DDX10: variants seen among roughly 807,000 people sequenced by gnomAD.
The protein encoded by DDX10 is probable ATP-dependent RNA helicase DDX10.
In DDX10, 74 loss-of-function variants were observed where a neutral mutation model predicts 104.3. The ratio of observed to expected loss-of-function variants is 0.71; its 90% CI spans 0.59 to 0.86. The LOEUF (loss-of-function observed/expected upper bound fraction) is 0.86, where lower values mean the gene tolerates loss of function less well. Among genes scored for constraint, DDX10 ranks in the 40% least tolerant of loss-of-function variants. The probability of loss-of-function intolerance (pLI) is 0.00; values close to 1 mark genes in which losing one functional copy is unlikely to be tolerated. For missense variants in DDX10, 952 were observed against 1,040.0 expected, an observed-to-expected ratio of 0.92 and a Z score of 1.16; for synonymous variants, 351 against 353.4, an observed-to-expected ratio of 0.99 and a Z score of 0.08.
At chr11:108,763,803 T>C (rs1417304834) in intron 13 of DDX10, among the ~76,000 whole-genome samples, 1 of 152,228 alleles carries the variant, frequency 6.6e-6, no homozygotes, top group Non-Finnish European at 1.5e-5. Context: ...GAGTTTTTAT[T>C]ACTAATAAAC....
intron 16 of DDX10, among the ~76,000 whole-genome samples, chr11:108,878,561 C>T (rs1227318823): frequency 6.6e-6 from 1 of 152,128 alleles, no homozygotes; most frequent in African/African-American, 2.4e-5. Flanking sequence ...AAATAATTCT[C>T]CTTGTTTTTG....
chr11:108,801,970 AGTG>A (rs747801705), intron 13 of DDX10, among the ~76,000 whole-genome samples: 3 of 150,550 alleles, frequency 2.0e-5, no homozygotes, highest in African/African-American at 4.9e-5. Context: ...TTTTTAAAAA[AGTG>A]GGGGGAGGGA....
intron 16 of DDX10, among the ~76,000 whole-genome samples, chr11:108,888,523 A>C (rs1863331475): frequency 6.6e-6 from 1 of 152,118 alleles, no homozygotes; most frequent in Admixed American, 6.5e-5. Flanking sequence ...TGTTAATATT[A>C]CTTGTCTTGA....
At chr11:108,940,108 A>G (rs1478865168) in intron 17 of DDX10, 138 bp from the exon 18 acceptor site, 7 of 899,336 alleles carry the variant, frequency 7.8e-6, no homozygotes, top group African/African-American at 1.7e-5. Flanking sequence ...TACTAATTAT[A>G]CAGATATCTT....
intron 10 of DDX10, among the ~76,000 whole-genome samples, chr11:108,715,484 A>G (rs1443347175): frequency 6.6e-6 from 1 of 152,226 alleles, no homozygotes; most frequent in East Asian, 1.9e-4. Flanking sequence ...TGATTGCACC[A>G]CTACACTCCA....
intron 16 of DDX10, among the ~76,000 whole-genome samples, chr11:108,902,073 T>C (rs1417234827): frequency 6.6e-6 from 1 of 152,204 alleles, no homozygotes; most frequent in Non-Finnish European, 1.5e-5. Flanking sequence ...TCAGATTTCT[T>C]AGTCTGTCCT....
At chr11:108,843,958 C>T (rs933417232) in intron 15 of DDX10, among the ~76,000 whole-genome samples, 5 of 152,088 alleles carry the variant, frequency 3.3e-5, no homozygotes, top group Admixed American at 1.3e-4. Flanking sequence ...TTTCCATTTT[C>T]GCTTAGCTTT....
At chr11:108,837,642 T>TTTTG (rs1862575101) in intron 13 of DDX10, among the ~76,000 whole-genome samples, 1 of 116,266 alleles carries the variant, frequency 8.6e-6, no homozygotes, top group Non-Finnish European at 1.8e-5. Context: ...TTTTTTTTTT[T>TTTTG]AGGCAAAGCC....
At position 108,851,176 on chromosome 11, in the gene DDX10, A is replaced by G. The variant is rs182884021; in HGVS notation, c.2248-977A>G. 1.1e-3 allele frequency among the ~76,000 whole-genome samples: 169 copies of G among 152,220 alleles called. 2 individuals carry two copies. The highest frequency in any genetic ancestry group is 3.9e-3 in the African/African-American group (164 of 41,552). ...TGATCTTCGTAGAATAACATAAAATATAGTTATATTCCATTTTAGTGTCTA... is the reference window on the plus strand; with the variant it reads ...TGATCTTCGTAGAATAACATAAAATGTAGTTATATTCCATTTTAGTGTCTA... On this transcript the variant is annotated intron_variant, in intron 15 of 17. Coordinates refer to ENST00000322536, the MANE Select transcript of DDX10 (RefSeq NM_004398.4).
At chr11:108,853,912 G>A (rs2726923) in intron 16 of DDX10, among the ~76,000 whole-genome samples, 38,351 of 152,142 alleles carry the variant, frequency 0.25, 5,595 homozygotes, top group African/African-American at 0.39. Flanking sequence ...TGGCTTTGCA[G>A]CTCAGCCAGG....
At chr11:108,700,985 C>T (rs971384339) in intron 9 of DDX10, among the ~76,000 whole-genome samples, 5 of 152,108 alleles carry the variant, frequency 3.3e-5, no homozygotes, top group South Asian at 2.1e-4. Flanking sequence ...CCATGCAATA[C>T]GTATTAGCCA....
At chr11:108,667,504 C>G (rs186263221) in intron 1 of DDX10, among the ~76,000 whole-genome samples, 328 of 152,326 alleles carry the variant, frequency 2.2e-3, no homozygotes, top group Non-Finnish European at 3.3e-3. Context: ...TTAAATCTCA[C>G]TCTTCAGGTA....
intron 16 of DDX10, among the ~76,000 whole-genome samples, chr11:108,862,671 AAGGAGGAGCGT>A (rs1391164690): frequency 2.6e-5 from 4 of 152,322 alleles, no homozygotes; most frequent in African/African-American, 9.6e-5. Context: ...TTTTTTAAAT[AAGGAGGAGCGT>A]AGTCGTCATT....
intron 16 of DDX10, among the ~76,000 whole-genome samples, chr11:108,902,942 C>T (rs1351401857): frequency 6.6e-6 from 1 of 151,820 alleles, no homozygotes. Flanking sequence ...TGATAATTTA[C>T]GTACTGTAAA....
intron 17 of DDX10, chr11:108,919,413 T>C (rs937622521): frequency 6.6e-6 from 1 of 152,244 alleles, no homozygotes; most frequent in Admixed American, 6.5e-5. Context: ...AGAGTAAATA[T>C]ACATGCTCTG....
intron 17 of DDX10, among the ~76,000 whole-genome samples, chr11:108,938,392 A>G (rs865916486): frequency 2.6e-5 from 4 of 152,236 alleles, no homozygotes; most frequent in Admixed American, 6.5e-5. Context: ...GCAGGAGCAC[A>G]TTAACAGAGG....
chr11:108,823,659 T>G (rs1862356121), intron 13 of DDX10, among the ~76,000 whole-genome samples: 1 of 152,212 alleles, frequency 6.6e-6, no homozygotes, highest in Admixed American at 6.5e-5. Flanking sequence ...TGTGTGTGTT[T>G]TTGTTTGCTT....
At chr11:108,810,859 A>G (rs1382887780) in intron 13 of DDX10, among the ~76,000 whole-genome samples, 3 of 152,196 alleles carry the variant, frequency 2.0e-5, no homozygotes, top group African/African-American at 7.2e-5. Context: ...CTTTTTGGTG[A>G]GTAGGAAAGA....
chr11:108,774,035 C>T (rs1211233497), intron 13 of DDX10, among the ~76,000 whole-genome samples: 1 of 152,170 alleles, frequency 6.6e-6, no homozygotes, highest in Non-Finnish European at 1.5e-5. Flanking sequence ...GAGCAAAGTG[C>T]TCTTATGACA....
Sources: allele counts gnomAD v4.1 joint callset (sites outside exome capture counted in the v4.1 genomes callset), GRCh38; gene constraint gnomAD v4.1.1; transcripts MANE v1.5; gene names NCBI Gene and HGNC (gene_info 2026-07-23, HGNC 2026-07-21).